The following CFAP206 variants were observed in gnomAD, a reference collection of about 807,000 sequenced individuals.
CFAP206 encodes cilia and flagella associated protein 206, also known as cilia- and flagella-associated protein 206.
A neutral mutation model predicts 65.4 loss-of-function variants in CFAP206; 53 were observed. The ratio of observed to expected loss-of-function variants is 0.81; its 90% CI spans 0.65 to 1.02. CFAP206 has a LOEUF of 1.02. CFAP206 is among the 50% of genes least tolerant of loss of function. The pLI, the probability that CFAP206 is intolerant of heterozygous loss-of-function variation, is 0.00. For missense variants in CFAP206, 663 were observed against 753.2 expected (o/e 0.88, Z 1.40); for synonymous variants, 250 against 254.4 (o/e 0.98, Z 0.17).
chr6:87,464,182 C>G lies in CFAP206; in HGVS notation c.1801C>G (p.Arg601Gly). ...GCCTCAGATTTACTTGGCTGGTCTTCGTGGAGGAAAGAGCGAAATCACCGA... is the reference window on the plus strand; with the variant it reads ...GCCTCAGATTTACTTGGCTGGTCTTGGTGGAGGAAAGAGCGAAATCACCGA... ...PRPQIYLAGL[R>G]GGKSEITDEV... The change falls in exon 13 of 13, where the codon CGT (arginine) becomes GGT (glycine). Residue 601 changes from arginine (R) to glycine (G), a missense_variant. Physicochemically the swap from Arg to Gly is moderately radical, Grantham distance 125. Coordinates refer to ENST00000369562, the MANE Select transcript of CFAP206 (RefSeq NM_001031743.3). 6.2e-7 allele frequency: 1 copy of G among 1,614,072 alleles called. No individual in the cohort carries two copies. The highest frequency in any genetic ancestry group is 8.5e-7 in the Non-Finnish European group (1 of 1,179,996).
chr6:87,411,799 CT>C (rs1000266180), intron 3 of CFAP206, among the ~76,000 whole-genome samples: 3 of 152,148 alleles, frequency 2.0e-5, no homozygotes, highest in African/African-American at 7.2e-5. Context: ...TTTCTGTTGA[CT>C]TTGTCAAAGA....
chr6:87,450,849 G>A (rs578171529), intron 11 of CFAP206, among the ~76,000 whole-genome samples: 26 of 152,232 alleles, frequency 1.7e-4, no homozygotes, highest in Non-Finnish European at 2.5e-4. Context: ...CCCCAGTAGC[G>A]GCCACGTGAC....
intron 12 of CFAP206, among the ~76,000 whole-genome samples, chr6:87,462,050 G>T (rs7765530): frequency 3.3e-5 from 5 of 152,160 alleles, no homozygotes; most frequent in African/African-American, 1.2e-4. Flanking sequence ...TCTCTGGTTG[G>T]TCCTGAGTTG....
chr6:87,457,665 A>G (rs1768671596), intron 11 of CFAP206, among the ~76,000 whole-genome samples: 1 of 152,214 alleles, frequency 6.6e-6, no homozygotes, highest in South Asian at 2.1e-4. Context: ...CAAGAATCAA[A>G]TCAAAGTGGA....
chr6:87,422,621 G>C (rs1767960872), intron 7 of CFAP206, among the ~76,000 whole-genome samples: 1 of 150,730 alleles, frequency 6.6e-6, no homozygotes, highest in Non-Finnish European at 1.5e-5. Context: ...TGCAGTGGCA[G>C]GCACCTGTAA....
At chr6:87,419,475 TCCC>T (rs1259866200) in intron 7 of CFAP206, among the ~76,000 whole-genome samples, 1 of 152,188 alleles carries the variant, frequency 6.6e-6, no homozygotes, top group African/African-American at 2.4e-5. Flanking sequence ...CTAAGGGATA[TCCC>T]CTTGACACTC....
In CFAP206 at chr6:87,429,909, A is replaced by G. The variant is rs534764720; in HGVS notation, c.1159+1085A>G. ...GTTCAAGTTTTTTATTGCTCATTTC[A>G]TTTCATTAAAGCAGCATATGTAAGC... On this transcript the variant is annotated intron_variant, in intron 9 of 12. Transcript: ENST00000369562. Among the ~76,000 whole-genome samples, 10 of 152,308 alleles carry G rather than the reference A, an allele frequency of 6.6e-5. No homozygotes were observed. In the South Asian group the frequency reaches 2.1e-3, roughly 32 times the overall value.
Position 87,464,123 on chromosome 6 carries a change from A to G in CFAP206, c.1742A>G (p.Gln581Arg), listed in dbSNP as rs1204289435. 6.2e-7 allele frequency: 1 copy of G among 1,614,088 alleles called. No homozygotes were observed. Among genetic ancestry groups the G allele is most frequent in the African/African-American group, 1.3e-5 (1 of 74,936 alleles). ...TACCCTCCAAAGGACACTAGCACCC[A>G]GTCCATGAGGGAAGACAGCACTGGG... ...QVYPPKDTST[Q>R]SMREDSTGVP... Residue 581 changes from glutamine to arginine, a missense_variant, in exon 13 of 13, where the codon CAG (glutamine) becomes CGG (arginine). Physicochemically the swap from Gln to Arg is conservative, Grantham distance 43. Coordinates refer to ENST00000369562, the MANE Select transcript of CFAP206 (RefSeq NM_001031743.3).
intron 11 of CFAP206, chr6:87,441,467 T>G (rs567251961): frequency 1.3e-5 from 2 of 158,670 alleles, no homozygotes; most frequent in Admixed American, 6.5e-5. Context: ...TCCATCCTAT[T>G]TCATTCCATT....
intron 11 of CFAP206, among the ~76,000 whole-genome samples, chr6:87,447,812 C>CT (rs973055623): frequency 1.3e-5 from 2 of 151,924 alleles, no homozygotes; most frequent in African/African-American, 4.8e-5. Flanking sequence ...TGGTCCTGGG[C>CT]TTTTTTTGGT....
intron 12 of CFAP206, among the ~76,000 whole-genome samples, chr6:87,461,526 A>G (rs1444724772): frequency 1.3e-5 from 2 of 151,950 alleles, no homozygotes; most frequent in Admixed American, 6.6e-5. Context: ...CCTCAACAAC[A>G]TATTATCTCC....
chr6:87,452,800 A>C (rs1768568328), intron 11 of CFAP206, among the ~76,000 whole-genome samples: 1 of 152,134 alleles, frequency 6.6e-6, no homozygotes, highest in African/African-American at 2.4e-5. Flanking sequence ...AAAAGAAGAA[A>C]GAATAAAAAA....
At chr6:87,445,533 A>C (rs1163564714) in intron 11 of CFAP206, among the ~76,000 whole-genome samples, 1 of 152,074 alleles carries the variant, frequency 6.6e-6, no homozygotes, top group Non-Finnish European at 1.5e-5. Context: ...AAAGGACATG[A>C]TCTCATTCCT....
In CFAP206 at chr6:87,461,163, T is replaced by A; in HGVS notation, c.1636T>A (p.Leu546Met). The change falls in exon 12 of 13, where the codon TTG (leucine) becomes ATG (methionine). Residue 546 changes from leucine to methionine, a missense_variant and splice_region_variant. By Grantham distance (15) the Leu-to-Met change is conservative (BLOSUM62 2). Transcript: ENST00000369562. ...EWELRRKAIK[L>M]ANLRQKVTHS... ...GGAATTAAGAAGAAAAGCTATAAAA[T>A]TGGTTTGTAACAATACTTTCTAGAA... 6.4e-7 allele frequency: 1 copy of A among 1,552,486 alleles called. No individual in the cohort carries two copies. The highest frequency in any genetic ancestry group is 1.3e-5 in the South Asian group (1 of 79,564).
intron 11 of CFAP206, among the ~76,000 whole-genome samples, chr6:87,439,865 C>T (rs1370750338): frequency 6.6e-6 from 1 of 152,012 alleles, no homozygotes. Flanking sequence ...CTATTATGTT[C>T]AGTTATTCAA....
chr6:87,458,729 G>A (rs150810409), intron 11 of CFAP206, among the ~76,000 whole-genome samples: 26 of 152,152 alleles, frequency 1.7e-4, no homozygotes, highest in East Asian at 1.9e-4. Context: ...AATAAAAGGC[G>A]TAAGATCTAG....
At chr6:87,411,015 C>T (rs1057273753) in intron 3 of CFAP206, among the ~76,000 whole-genome samples, 1 of 152,192 alleles carries the variant, frequency 6.6e-6, no homozygotes, top group Non-Finnish European at 1.5e-5. Context: ...CTCCCATCTA[C>T]TTAACATTTA....
chr6:87,461,563 A>C (rs1768749661), intron 12 of CFAP206, among the ~76,000 whole-genome samples: 1 of 151,986 alleles, frequency 6.6e-6, no homozygotes, highest in East Asian at 1.9e-4. Flanking sequence ...CATCCTTCTG[A>C]TTCTCAGTCA....
intron 11 of CFAP206, chr6:87,441,847 G>T: frequency 3.6e-6 from 1 of 281,444 alleles, no homozygotes; most frequent in Non-Finnish European, 7.1e-6. Flanking sequence ...AGCCAAATCC[G>T]ATGTCATCCC....
Sources: allele counts gnomAD v4.1 joint callset (sites outside exome capture counted in the v4.1 genomes callset), GRCh38; gene constraint gnomAD v4.1.1; transcripts MANE v1.5; gene names NCBI Gene and HGNC (gene_info 2026-07-23, HGNC 2026-07-21).